Variants in EPHA6 observed in about 807,000 individuals in gnomAD.
EPHA6 encodes the protein ephrin type-A receptor 6.
EPHA6 carries 50 observed loss-of-function variants against 112.0 expected under a neutral mutation model. The ratio of observed to expected loss-of-function variants is 0.45; its 90% CI spans 0.36 to 0.56. The LOEUF is 0.56. EPHA6 is among the 20% of genes least tolerant of loss of function. The pLI is 0.00. For missense variants in EPHA6, 1,280 were observed against 1,417.4 expected (o/e 0.90, Z 1.56); for synonymous variants, 529 against 490.7 (o/e 1.08, Z -1.03).
intron 2 of EPHA6, among the ~76,000 whole-genome samples, chr3:96,902,998 T>G (rs892762475): frequency 1.1e-4 from 17 of 152,086 alleles, no homozygotes; most frequent in African/African-American, 4.1e-4. Flanking sequence ...TATAAATAAC[T>G]GTAATGTAAT....
intron 2 of EPHA6, among the ~76,000 whole-genome samples, chr3:96,918,632 A>G (rs1164637245): frequency 6.6e-6 from 1 of 152,030 alleles, no homozygotes; most frequent in Non-Finnish European, 1.5e-5. Flanking sequence ...TATTTAAGGT[A>G]ATTTATAGTT....
chr3:97,603,357 T>G (rs1298711477), intron 12 of EPHA6, among the ~76,000 whole-genome samples: 1 of 151,946 alleles, frequency 6.6e-6, no homozygotes, highest in Middle Eastern at 3.2e-3. Context: ...CACCTTCCAT[T>G]TACTCTAACA....
intron 3 of EPHA6, among the ~76,000 whole-genome samples, chr3:97,082,384 A>G (rs2046750429): frequency 6.6e-6 from 1 of 151,970 alleles, no homozygotes; most frequent in Non-Finnish European, 1.5e-5. Context: ...TTTTTATATT[A>G]TATAAGATCA....
intron 2 of EPHA6, among the ~76,000 whole-genome samples, chr3:96,937,349 G>A (rs1162703881): frequency 1.2e-4 from 19 of 152,108 alleles, no homozygotes; most frequent in Non-Finnish European, 2.6e-4. Context: ...GCATTTCTCT[G>A]ATGGCCAGTG....
chr3:97,431,313 C>T (rs949572970), intron 6 of EPHA6, among the ~76,000 whole-genome samples: 1 of 151,880 alleles, frequency 6.6e-6, no homozygotes, highest in African/African-American at 2.4e-5. Context: ...TTAATGTAGA[C>T]CTTTTAAAAA....
intron 2 of EPHA6, among the ~76,000 whole-genome samples, chr3:96,926,762 T>C (rs1459968866): frequency 1.3e-5 from 2 of 152,170 alleles, no homozygotes; most frequent in African/African-American, 4.8e-5. Context: ...AGGGGTGGGC[T>C]CCCATGGCCT....
chr3:97,328,513 C>A (rs141233145), intron 5 of EPHA6, among the ~76,000 whole-genome samples: 1 of 151,944 alleles, frequency 6.6e-6, no homozygotes, highest in East Asian at 1.9e-4. Flanking sequence ...ATTGTCTTTT[C>A]ATATTCTTTT....
chr3:96,854,421 G>T (rs1014926371), intron 1 of EPHA6, among the ~76,000 whole-genome samples: 20 of 151,436 alleles, frequency 1.3e-4, no homozygotes, highest in Non-Finnish European at 2.2e-4. Flanking sequence ...TTTATTAAGA[G>T]ATTTTTCTAT....
At chr3:97,178,966 G>A (rs1392856850) in intron 3 of EPHA6, among the ~76,000 whole-genome samples, 3 of 151,706 alleles carry the variant, frequency 2.0e-5, no homozygotes, top group Non-Finnish European at 4.4e-5. Context: ...TCTCTTTAAG[G>A]CCAATAACTC....
chr3:97,129,548 T>G (rs527747608), intron 3 of EPHA6, among the ~76,000 whole-genome samples: 1 of 149,534 alleles, frequency 6.7e-6, no homozygotes, highest in African/African-American at 2.5e-5. Flanking sequence ...AAAAGTACAG[T>G]GGTAAATTCG....
chr3:97,447,756 T>A, intron 6 of EPHA6: 1 of 1,013,502 alleles, frequency 9.9e-7, no homozygotes, highest in South Asian at 4.6e-5. Context: ...TTCCATTTAG[T>A]GAAGTGAGAT....
chr3:97,318,430 T>G (rs986171822), intron 5 of EPHA6, among the ~76,000 whole-genome samples: 2 of 152,068 alleles, frequency 1.3e-5, no homozygotes, highest in Non-Finnish European at 2.9e-5. Context: ...TCTGTGTTTC[T>G]TTTCACACTT....
intron 3 of EPHA6, among the ~76,000 whole-genome samples, chr3:97,047,542 A>T (rs1417434400): frequency 6.6e-6 from 1 of 151,236 alleles, no homozygotes; most frequent in Non-Finnish European, 1.5e-5. Context: ...GAGAAGTGGA[A>T]ATACTATCTA....
intron 7 of EPHA6, among the ~76,000 whole-genome samples, chr3:97,457,981 T>C (rs186224018): frequency 0.011 from 1,492 of 132,780 alleles, 13 homozygotes; most frequent in Middle Eastern, 0.036. Flanking sequence ...GGCAGGAGAA[T>C]GGCGTGAACC....
At chr3:97,529,514 A>G (rs761546770) in intron 10 of EPHA6, among the ~76,000 whole-genome samples, 10 of 152,138 alleles carry the variant, frequency 6.6e-5, no homozygotes, top group Non-Finnish European at 1.0e-4. Flanking sequence ...AAATGTTCAC[A>G]GATCTTATTG....
chr3:97,573,415 GA>G (rs1321967413), intron 11 of EPHA6, among the ~76,000 whole-genome samples: 1 of 152,114 alleles, frequency 6.6e-6, no homozygotes, highest in East Asian at 1.9e-4. Flanking sequence ...AATTTGACAA[GA>G]AGACCATTTT....
At chr3:97,577,507 A>T (rs72932204) in intron 11 of EPHA6, among the ~76,000 whole-genome samples, 2,380 of 149,948 alleles carry the variant, frequency 0.016, 52 homozygotes, top group African/African-American at 0.05. Flanking sequence ...CTTATGAATT[A>T]AAAAAAAAAT....
chr3:97,414,725 A>G (rs987219015), intron 6 of EPHA6, among the ~76,000 whole-genome samples: 1 of 152,060 alleles, frequency 6.6e-6, no homozygotes, highest in African/African-American at 2.4e-5. Flanking sequence ...TGGAGAGTAA[A>G]GCAAAGCCCC....
At chr3:97,734,755 C>A (rs560006046) in intron 15 of EPHA6, among the ~76,000 whole-genome samples, 3 of 151,978 alleles carry the variant, frequency 2.0e-5, no homozygotes, top group African/African-American at 4.8e-5. Context: ...TTTTGCCTGT[C>A]TTTAAATATT....
Sources: gnomAD v4.1 joint callset for allele counts (sites outside exome capture counted in the v4.1 genomes callset) on GRCh38, gnomAD v4.1.1 for gene constraint, MANE v1.5 for transcripts, NCBI Gene and HGNC (gene_info 2026-07-23, HGNC 2026-07-21) for gene names.